Variants in LRRC4C observed in about 807,000 individuals in gnomAD.
LRRC4C encodes the protein leucine rich repeat containing 4C, also known as leucine-rich repeat-containing protein 4C.
LRRC4C carries 5 observed loss-of-function variants against 33.6 expected under a neutral mutation model. That is an observed-to-expected ratio of 0.15 (90% CI 0.08 to 0.31). LRRC4C has a LOEUF of 0.31. Among genes scored for constraint, LRRC4C ranks in the 10% least tolerant of loss-of-function variants. The probability of loss-of-function intolerance (pLI) is 1.00; values close to 1 mark genes in which losing one functional copy is unlikely to be tolerated. For missense variants in LRRC4C, 560 were observed against 796.7 expected (o/e 0.70, Z 3.58); for synonymous variants, 329 against 302.0 (o/e 1.09, Z -0.93).
At chr11:40,854,869 C>T (rs1172292322) in intron 2 of LRRC4C, among the ~76,000 whole-genome samples, 3 of 151,856 alleles carry the variant, frequency 2.0e-5, no homozygotes, top group Admixed American at 6.6e-5. Flanking sequence ...ACTTTATTAG[C>T]TCTGTTAATA....
intron 1 of LRRC4C, among the ~76,000 whole-genome samples, chr11:40,951,134 A>C (rs1027202581): frequency 1.3e-5 from 2 of 151,942 alleles, no homozygotes; most frequent in Admixed American, 6.6e-5. Flanking sequence ...TATATAATAA[A>C]ATCTGGAGGG....
intron 1 of LRRC4C, among the ~76,000 whole-genome samples, chr11:41,287,640 C>T (rs959772360): frequency 2.6e-5 from 4 of 152,110 alleles, no homozygotes; most frequent in African/African-American, 9.7e-5. Flanking sequence ...AAACAGATAT[C>T]AATACACAAG....
intron 1 of LRRC4C, among the ~76,000 whole-genome samples, chr11:41,016,414 G>GT (rs1855586536): frequency 1.3e-5 from 2 of 152,174 alleles, no homozygotes; most frequent in Non-Finnish European, 2.9e-5. Context: ...TATATACTGT[G>GT]TAACTAATAA....
intron 1 of LRRC4C, among the ~76,000 whole-genome samples, chr11:41,175,440 C>T (rs1433931836): frequency 2.0e-5 from 3 of 152,022 alleles, no homozygotes; most frequent in Admixed American, 6.6e-5. Flanking sequence ...CAGCAGGTGA[C>T]TCTGATTGTT....
intron 1 of LRRC4C, among the ~76,000 whole-genome samples, chr11:41,407,325 A>T (rs1954282007): frequency 6.9e-6 from 1 of 145,700 alleles, no homozygotes; most frequent in Non-Finnish European, 1.5e-5. Context: ...TTTTTGAGAC[A>T]GGGTCTCACT....
At chr11:40,519,412 T>C (rs1260100335) in intron 3 of LRRC4C, among the ~76,000 whole-genome samples, 1 of 152,164 alleles carries the variant, frequency 6.6e-6, no homozygotes. Context: ...TTAAATAAAC[T>C]TTACCAAAGA....
chr11:40,634,248 A>G (rs1011765069), intron 3 of LRRC4C, among the ~76,000 whole-genome samples: 3 of 152,222 alleles, frequency 2.0e-5, no homozygotes, highest in South Asian at 2.1e-4. Flanking sequence ...CAAACTAAAG[A>G]TCACAAATTG....
intron 2 of LRRC4C, among the ~76,000 whole-genome samples, chr11:40,826,490 C>T (rs1187632980): frequency 6.6e-6 from 1 of 151,850 alleles, no homozygotes; most frequent in Non-Finnish European, 1.5e-5. Flanking sequence ...CATACGCCCC[C>T]TTCTTTAAAT....
intron 1 of LRRC4C, among the ~76,000 whole-genome samples, chr11:40,969,718 T>C (rs1324063151): frequency 2.0e-5 from 3 of 152,178 alleles, no homozygotes; most frequent in Admixed American, 6.6e-5. Context: ...ACAATGCACA[T>C]TTAATAGACT....
rs1443127884 is a variant in LRRC4C, at chr11:40,985,682, G to A, written c.-495-51959C>T. 1.3e-3 allele frequency among the ~76,000 whole-genome samples: 4 copies of A among 3,094 alleles called. 2 individuals are homozygous for A. The highest frequency in any genetic ancestry group is 1.4e-3 in the African/African-American group (4 of 2,944). 2.0% of individuals were successfully genotyped at this position (3,094 alleles called of 152,430 possible). A position where few individuals can be genotyped will look rare whatever the true frequency, so the allele number is the denominator to read the frequency against. ...AATTTTTTGTATTTTTAGTAGAGAC[G>A]GGGTTTCACCTTGTTAGCCAGGATG... On this transcript the variant is annotated intron_variant, in intron 1 of 6. Transcript: ENST00000528697.
At chr11:41,393,435 C>G (rs1171691244) in intron 1 of LRRC4C, among the ~76,000 whole-genome samples, 5 of 151,656 alleles carry the variant, frequency 3.3e-5, no homozygotes, top group Admixed American at 3.3e-4. Flanking sequence ...GAAAACTGAT[C>G]CATGTGCAAT....
intron 5 of LRRC4C, among the ~76,000 whole-genome samples, chr11:40,190,198 C>G (rs570399991): frequency 6.6e-6 from 1 of 152,124 alleles, no homozygotes; most frequent in East Asian, 1.9e-4. Flanking sequence ...AATCTAGAGG[C>G]GAGTGAATTT....
At chr11:40,280,065 G>GA (rs1268882983) in intron 4 of LRRC4C, among the ~76,000 whole-genome samples, 2 of 152,056 alleles carry the variant, frequency 1.3e-5, no homozygotes, top group Non-Finnish European at 2.9e-5. Context: ...CCAGCCCTGG[G>GA]AAAAAAAGGA....
intron 3 of LRRC4C, among the ~76,000 whole-genome samples, chr11:40,599,310 G>T (rs758280026): frequency 6.6e-6 from 1 of 151,988 alleles, no homozygotes; most frequent in African/African-American, 2.4e-5. Context: ...AAATCACCAG[G>T]TTTCGTGGCA....
At chr11:40,278,470 T>C (rs913442622) in intron 4 of LRRC4C, among the ~76,000 whole-genome samples, 1 of 152,198 alleles carries the variant, frequency 6.6e-6, no homozygotes, top group Non-Finnish European at 1.5e-5. Flanking sequence ...TGAAGATGAT[T>C]CTTTTGTTTT....
intron 2 of LRRC4C, among the ~76,000 whole-genome samples, chr11:40,823,904 T>C (rs1043587225): frequency 2.0e-5 from 3 of 151,898 alleles, no homozygotes; most frequent in Non-Finnish European, 4.4e-5. Flanking sequence ...TGATTCATAA[T>C]AGCCCAAGAA....
chr11:40,201,305 G>A (rs1279874122), intron 5 of LRRC4C, among the ~76,000 whole-genome samples: 1 of 151,876 alleles, frequency 6.6e-6, no homozygotes, highest in East Asian at 1.9e-4. Context: ...CTGTTTTTTT[G>A]TCTTAGTCAC....
At chr11:40,271,031 C>A (rs1942656614) in intron 4 of LRRC4C, among the ~76,000 whole-genome samples, 1 of 152,114 alleles carries the variant, frequency 6.6e-6, no homozygotes, top group Non-Finnish European at 1.5e-5. Context: ...AAGTTGCAAA[C>A]CTTCAATTTG....
intron 1 of LRRC4C, among the ~76,000 whole-genome samples, chr11:41,410,720 A>G (rs547994808): frequency 6.6e-6 from 1 of 152,288 alleles, no homozygotes; most frequent in South Asian, 2.1e-4. Context: ...GATTATAGGC[A>G]TGAGCCACCG....
Sources: allele counts gnomAD v4.1 joint callset (sites outside exome capture counted in the v4.1 genomes callset), GRCh38; gene constraint gnomAD v4.1.1; transcripts MANE v1.5; gene names NCBI Gene and HGNC (gene_info 2026-07-23, HGNC 2026-07-21).